Variants in STPG2 observed in about 807,000 individuals in gnomAD.
The protein encoded by STPG2 is sperm-tail PG-rich repeat-containing protein 2.
In STPG2, 56 loss-of-function variants were observed where a neutral mutation model predicts 54.2. The ratio of observed to expected loss-of-function variants is 1.03; its 90% CI spans 0.83 to 1.29. The LOEUF is 1.29. Ranked by LOEUF, STPG2 falls within the 50% of genes most tolerant of loss-of-function variation. The probability of loss-of-function intolerance (pLI) is 0.00; values close to 1 mark genes in which losing one functional copy is unlikely to be tolerated. For synonymous variants in STPG2, 200 were observed against 181.8 expected, an observed-to-expected ratio of 1.10 and a Z score of -0.81; for missense variants, 596 against 544.9, an observed-to-expected ratio of 1.09 and a Z score of -0.93.
chr4:97,764,043 C>T (rs1725966446), intron 9 of STPG2, among the ~76,000 whole-genome samples: 1 of 151,428 alleles, frequency 6.6e-6, no homozygotes, highest in East Asian at 1.9e-4. Context: ...ATTCCATGCT[C>T]AGAATCACAG....
intron 4 of STPG2, among the ~76,000 whole-genome samples, chr4:97,454,349 T>C (rs1237472638): frequency 6.7e-6 from 1 of 150,006 alleles, no homozygotes; most frequent in Non-Finnish European, 1.5e-5. Flanking sequence ...CCGTCTCTAC[T>C]AAAAATACAA....
intron 9 of STPG2, among the ~76,000 whole-genome samples, chr4:97,760,367 CTTTA>C (rs1247330131): frequency 6.6e-6 from 1 of 152,010 alleles, no homozygotes; most frequent in East Asian, 1.9e-4. Flanking sequence ...CTATAAGTAC[CTTTA>C]TTCTGGTAAG....
intron 9 of STPG2, among the ~76,000 whole-genome samples, chr4:97,795,135 G>A (rs1381383857): frequency 2.6e-5 from 4 of 151,854 alleles, no homozygotes; most frequent in African/African-American, 9.7e-5. Context: ...ATATTTCCTA[G>A]GTTTGAAAAG....
intron 5 of STPG2, among the ~76,000 whole-genome samples, chr4:98,072,257 C>T (rs543945368): frequency 8.5e-5 from 13 of 152,172 alleles, no homozygotes; most frequent in East Asian, 1.9e-4. Context: ...ATGTCCTTTG[C>T]GGGACATGAA....
intron 7 of STPG2, among the ~76,000 whole-genome samples, chr4:97,947,803 A>G (rs1301992076): frequency 3.9e-5 from 6 of 151,962 alleles, no homozygotes; most frequent in Non-Finnish European, 8.8e-5. Flanking sequence ...AGATTCAGCT[A>G]TCTAGTATTT....
At chr4:97,974,584 C>T (rs558143543) in intron 6 of STPG2, among the ~76,000 whole-genome samples, 14 of 152,224 alleles carry the variant, frequency 9.2e-5, no homozygotes, top group Non-Finnish European at 8.8e-5. Context: ...AATTGAATCA[C>T]GGGGGTGGGT....
intron 5 of STPG2, among the ~76,000 whole-genome samples, chr4:97,987,909 C>G (rs890670974): frequency 6.6e-5 from 10 of 152,062 alleles, no homozygotes; most frequent in African/African-American, 2.4e-4. Context: ...ACTGACATAG[C>G]AGCCAGTGAA....
rs35675294 is a variant in STPG2 at position 97,850,299 on chromosome 4, A to AAAATAAATAAATAAATAAAT, written c.1045-9387_1045-9368dup. 6.5e-3 allele frequency among the ~76,000 whole-genome samples: 692 copies of AAAATAAATAAATAAATAAAT among 106,926 alleles called. 10 individuals are homozygous for AAAATAAATAAATAAATAAAT. The highest frequency in any genetic ancestry group is 0.019 in the African/African-American group (569 of 29,416). The allele number at this position is 106,926 out of a possible 152,430, so 70.1% of individuals were successfully genotyped here. A position where few individuals can be genotyped will look rare whatever the true frequency, so the allele number is the denominator to read the frequency against. Reference sequence around the variant, plus strand: ...GGAGGGGGGAGGGGGGAGGGAAAGAAAAATAAATAAATAAATAAATAAATA... The same window carrying AAAATAAATAAATAAATAAAT: ...GGAGGGGGGAGGGGGGAGGGAAAGAAAAATAAATAAATAAATAAATAAATAAATAAATAAATAAATAAATA... On this transcript the variant is annotated intron_variant, in intron 8 of 10. Coordinates refer to ENST00000295268, the MANE Select transcript of STPG2 (RefSeq NM_174952.3).
intron 3 of STPG2, among the ~76,000 whole-genome samples, chr4:98,120,531 A>C (rs1463465463): frequency 1.3e-5 from 2 of 152,298 alleles, no homozygotes; most frequent in East Asian, 1.9e-4. Flanking sequence ...TTCCACCAAC[A>C]GTGTAAAGGC....
At chr4:97,541,741 C>CA (rs1294769587) in intron 4 of STPG2, among the ~76,000 whole-genome samples, 1 of 152,104 alleles carries the variant, frequency 6.6e-6, no homozygotes, top group African/African-American at 2.4e-5. Flanking sequence ...CTACAGTAAC[C>CA]AAAACAGCAT....
chr4:97,792,762 G>A (rs1340986374), intron 9 of STPG2, among the ~76,000 whole-genome samples: 1 of 152,064 alleles, frequency 6.6e-6, no homozygotes. Flanking sequence ...ATATTATCTT[G>A]AACTTGCCAG....
chr4:98,046,194 A>G (rs753082108), intron 5 of STPG2, among the ~76,000 whole-genome samples: 1 of 151,902 alleles, frequency 6.6e-6, no homozygotes, highest in Non-Finnish European at 1.5e-5. Flanking sequence ...CTTCAGCTCT[A>G]TCACTTCTGT....
chr4:97,594,646 T>C (rs1184923211), intron 10 of STPG2, among the ~76,000 whole-genome samples: 1 of 152,126 alleles, frequency 6.6e-6, no homozygotes, highest in Non-Finnish European at 1.5e-5. Context: ...GAAATCCAGA[T>C]AAGACTTCTG....
chr4:97,495,096 T>C (rs918475619), intron 4 of STPG2, among the ~76,000 whole-genome samples: 1 of 151,572 alleles, frequency 6.6e-6, no homozygotes, highest in Non-Finnish European at 1.5e-5. Context: ...ATTGAATATC[T>C]ATATTGAATA....
chr4:97,597,802 C>A (rs1733338512), intron 10 of STPG2, among the ~76,000 whole-genome samples: 2 of 152,010 alleles, frequency 1.3e-5, no homozygotes, highest in Admixed American at 1.3e-4. Context: ...AAGGTGGTAG[C>A]ATTTCCCTTG....
intron 9 of STPG2, among the ~76,000 whole-genome samples, chr4:97,747,972 C>T (rs1725470454): frequency 6.6e-6 from 1 of 151,444 alleles, no homozygotes; most frequent in Non-Finnish European, 1.5e-5. Context: ...GGGAAATCTT[C>T]TAGGATGATT....
chr4:97,807,651 G>T (rs1355796286), intron 9 of STPG2, among the ~76,000 whole-genome samples: 3 of 151,856 alleles, frequency 2.0e-5, no homozygotes, highest in African/African-American at 7.2e-5. Flanking sequence ...AAATGAAAAA[G>T]TTGTAAGAGG....
At chr4:97,950,479 C>CA (rs1290512038) in intron 7 of STPG2, among the ~76,000 whole-genome samples, 3 of 152,098 alleles carry the variant, frequency 2.0e-5, no homozygotes, top group Non-Finnish European at 2.9e-5. Flanking sequence ...TGTATCTCTT[C>CA]ATTCATATGC....
At chr4:98,083,028 T>C (rs1425338496) in intron 5 of STPG2, among the ~76,000 whole-genome samples, 1 of 152,126 alleles carries the variant, frequency 6.6e-6, no homozygotes, top group Non-Finnish European at 1.5e-5. Context: ...AACCCTTTAT[T>C]GTCCTAAGAA....
Sources: gnomAD v4.1 joint callset for allele counts (sites outside exome capture counted in the v4.1 genomes callset) on GRCh38, gnomAD v4.1.1 for gene constraint, MANE v1.5 for transcripts, NCBI Gene and HGNC (gene_info 2026-07-23, HGNC 2026-07-21) for gene names.